The following ERC2 variants were observed in gnomAD, a reference collection of about 807,000 sequenced individuals.
ERC2 encodes the protein ERC protein 2.
Under a neutral mutation model 114.8 loss-of-function variants are expected in ERC2, and 42 were observed. The observed-to-expected ratio is 0.37, with a 90% CI of 0.29 to 0.47. ERC2 has a LOEUF of 0.47. Ranked by LOEUF, ERC2 falls within the 20% of genes least tolerant of loss-of-function variation. The pLI is 0.99. For missense variants in ERC2, 939 were observed against 1,150.7 expected, an observed-to-expected ratio of 0.82 and a Z score of 2.66; for synonymous variants, 454 against 425.5, an observed-to-expected ratio of 1.07 and a Z score of -0.82.
chr3:56,332,829 C>T (rs1286388581), intron 2 of ERC2, among the ~76,000 whole-genome samples: 2 of 152,122 alleles, frequency 1.3e-5, no homozygotes, highest in African/African-American at 4.8e-5. Context: ...TCCCATTACA[C>T]TCCTAGGAAT....
chr3:56,303,292 T>A (rs751431120), intron 2 of ERC2, among the ~76,000 whole-genome samples: 3 of 152,204 alleles, frequency 2.0e-5, no homozygotes, highest in African/African-American at 4.8e-5. Flanking sequence ...CTTAGTTGCA[T>A]ACTTTAAAGT....
At chr3:56,227,392 C>A (rs1022484622) in intron 3 of ERC2, among the ~76,000 whole-genome samples, 1 of 149,464 alleles carries the variant, frequency 6.7e-6, no homozygotes, top group African/African-American at 2.5e-5. Flanking sequence ...GCTTTCAGTT[C>A]GGCTAAAATC....
At chr3:56,240,221 T>C (rs939556610) in intron 3 of ERC2, among the ~76,000 whole-genome samples, 3 of 152,168 alleles carry the variant, frequency 2.0e-5, no homozygotes, top group African/African-American at 7.2e-5. Flanking sequence ...GGCCACAGAA[T>C]TGTATCTCTG....
chr3:55,691,573 A>T (rs1921424), intron 16 of ERC2, among the ~76,000 whole-genome samples: 5,412 of 39,298 alleles, frequency 0.14, 381 homozygotes, highest in Admixed American at 0.19. Flanking sequence ...AAAAAAAAAA[A>T]ATATATATAT....
chr3:55,671,700 A>G (rs540349926), intron 17 of ERC2, among the ~76,000 whole-genome samples: 6 of 152,302 alleles, frequency 3.9e-5, no homozygotes, highest in African/African-American at 1.4e-4. Flanking sequence ...AGGCCAATTC[A>G]TCATTTTTGG....
chr3:56,000,855 C>T (rs1437173519), intron 10 of ERC2, among the ~76,000 whole-genome samples: 2 of 148,888 alleles, frequency 1.3e-5, no homozygotes, highest in African/African-American at 2.5e-5. Context: ...GAGTTTGAGA[C>T]CAGTCTTAGG....
At chr3:56,260,558 C>T (rs965442200) in intron 3 of ERC2, among the ~76,000 whole-genome samples, 1 of 152,210 alleles carries the variant, frequency 6.6e-6, no homozygotes, top group Non-Finnish European at 1.5e-5. Flanking sequence ...GCTCTGGGGA[C>T]AAGCACTGCT....
At chr3:55,560,269 C>T (rs1334018362) in intron 17 of ERC2, among the ~76,000 whole-genome samples, 2 of 152,194 alleles carry the variant, frequency 1.3e-5, no homozygotes, top group Admixed American at 1.3e-4. Flanking sequence ...CATTGGCTCA[C>T]AGGCCACATT....
At chr3:56,193,242 G>T (rs1246555807) in intron 3 of ERC2, among the ~76,000 whole-genome samples, 1 of 152,160 alleles carries the variant, frequency 6.6e-6, no homozygotes, top group Non-Finnish European at 1.5e-5. Flanking sequence ...CAAACTGTGT[G>T]CTGGCTCACG....
intron 15 of ERC2, among the ~76,000 whole-genome samples, chr3:55,715,101 A>G (rs932243567): frequency 2.0e-5 from 3 of 152,084 alleles, no homozygotes; most frequent in African/African-American, 7.2e-5. Context: ...TAAAATTCCA[A>G]TTTCTCCTAA....
At chr3:55,589,178 G>A (rs1292323758) in intron 17 of ERC2, among the ~76,000 whole-genome samples, 1 of 130,254 alleles carries the variant, frequency 7.7e-6, no homozygotes, top group Non-Finnish European at 1.6e-5. Flanking sequence ...AGGAGTTTGA[G>A]ACCAGCCTGG....
chr3:55,589,979 C>G (rs1256745289), intron 17 of ERC2, among the ~76,000 whole-genome samples: 1 of 152,116 alleles, frequency 6.6e-6, no homozygotes, highest in Non-Finnish European at 1.5e-5. Flanking sequence ...CTCCCTGCAG[C>G]CTTCAAAAGT....
intron 15 of ERC2, among the ~76,000 whole-genome samples, chr3:55,707,162 AGTGGCTCATGCCT>A (rs2063535455): frequency 6.6e-6 from 1 of 152,138 alleles, no homozygotes; most frequent in Admixed American, 6.5e-5. Context: ...GGCCAGGCGC[AGTGGCTCATGCCT>A]GAAATCTCAG....
rs186634736 is a variant in ERC2, at chr3:56,162,415, G to A, written c.1149+11031C>T. Among the ~76,000 whole-genome samples, 118 of 152,108 alleles carry A rather than the reference G, an allele frequency of 7.8e-4. 1 individual carries two copies. The highest frequency in any genetic ancestry group is 1.0e-3 in the South Asian group (5 of 4,814). On this transcript the variant is annotated intron_variant, in intron 4 of 17. Coordinates refer to ENST00000288221, the MANE Select transcript of ERC2 (RefSeq NM_015576.3). ...TGTAGAATGAGTTAGGGAGGAGTCC[G>A]TGTTCCTTGCCTTTTTGCTATAGTT...
chr3:56,171,539 G>A (rs981995133), intron 4 of ERC2, among the ~76,000 whole-genome samples: 1 of 152,120 alleles, frequency 6.6e-6, no homozygotes, highest in Non-Finnish European at 1.5e-5. Flanking sequence ...AGCAACACTG[G>A]CATCCATGAA....
At chr3:55,743,011 T>C (rs1476649738) in intron 14 of ERC2, among the ~76,000 whole-genome samples, 1 of 152,200 alleles carries the variant, frequency 6.6e-6, no homozygotes, top group African/African-American at 2.4e-5. Context: ...ACAGACCAGA[T>C]TCGTAAAGGC....
chr3:55,818,158 C>T (rs575937133), intron 14 of ERC2, among the ~76,000 whole-genome samples: 4 of 152,158 alleles, frequency 2.6e-5, no homozygotes, highest in Non-Finnish European at 5.9e-5. Flanking sequence ...GGAAGGAGAC[C>T]ATACCCTGAA....
intron 13 of ERC2, among the ~76,000 whole-genome samples, chr3:55,945,430 G>C (rs2149434382): frequency 6.6e-6 from 1 of 152,324 alleles, no homozygotes; most frequent in South Asian, 2.1e-4. Context: ...GTGGCTTGGA[G>C]AGATGAACAT....
chr3:55,906,061 C>T (rs916534436), intron 13 of ERC2, among the ~76,000 whole-genome samples: 2 of 152,174 alleles, frequency 1.3e-5, no homozygotes, highest in African/African-American at 4.8e-5. Context: ...CTTACTCCTC[C>T]TGTATTTGTA....
Sources: gnomAD v4.1 joint callset for allele counts (sites outside exome capture counted in the v4.1 genomes callset) on GRCh38, gnomAD v4.1.1 for gene constraint, MANE v1.5 for transcripts, NCBI Gene and HGNC (gene_info 2026-07-23, HGNC 2026-07-21) for gene names.